SNED1: variants seen among roughly 807,000 people sequenced by gnomAD.
SNED1 encodes the protein sushi, nidogen and EGF-like domain-containing protein 1.
A neutral mutation model predicts 166.7 loss-of-function variants in SNED1; 81 were observed. The observed-to-expected ratio is 0.49, with a 90% confidence interval of 0.41 to 0.58. The LOEUF (loss-of-function observed/expected upper bound fraction) is 0.58, where lower values mean the gene tolerates loss of function less well. Among genes scored for constraint, SNED1 ranks in the 20% least tolerant of loss-of-function variants. SNED1 has a pLI of 0.00. For synonymous variants in SNED1, 762 were observed against 822.0 expected (o/e 0.93, Z 1.25); for missense variants, 1,604 against 2,000.2 (o/e 0.80, Z 3.78).
chr2:241,053,313 TC>T lies in SNED1; in HGVS notation c.2248del (p.Gln750SerfsTer118). ...CQPHGVWSEP[P>X]QCLEIDECRS... is the part of the protein sequence containing the mutation. ...AGCCACACGGTGTCTGGAGTGAGCC[TC>T]CCCAGTGCCTTGGTGATTCTGTGGG... On this transcript the variant is annotated frameshift_variant, in exon 16 of 32. Coordinates refer to ENST00000310397, the MANE Select transcript of SNED1 (RefSeq NM_001080437.3). LOFTEE classifies it high-confidence loss of function. 1 of 1,579,334 alleles carries T rather than the reference TC, an allele frequency of 6.3e-7. No homozygotes were observed.
intron 1 of SNED1, among the ~76,000 whole-genome samples, chr2:241,025,509 G>A (rs946168880): frequency 6.6e-6 from 1 of 152,122 alleles, no homozygotes; most frequent in African/African-American, 2.4e-5. Context: ...GTATATTATT[G>A]TAATGAGTTT....
chr2:241,088,728 G>A (rs930381236), intron 31 of SNED1: 1 of 360,054 alleles, frequency 2.8e-6, no homozygotes, highest in East Asian at 5.2e-5. Flanking sequence ...GAAGAGGCAG[G>A]GGGGTGGGCC....
chr2:241,066,733 C>T (rs968483244), intron 21 of SNED1, among the ~76,000 whole-genome samples: 12 of 152,238 alleles, frequency 7.9e-5, no homozygotes, highest in African/African-American at 2.6e-4. Context: ...GGTAGCATGG[C>T]GGGTAGGTGG....
chr2:241,079,802 G>A (rs2125294230), intron 27 of SNED1, among the ~76,000 whole-genome samples: 2 of 152,268 alleles, frequency 1.3e-5, no homozygotes, highest in South Asian at 2.1e-4. Flanking sequence ...AATGGAATAT[G>A]GTCTAAGGAT....
At chr2:241,062,611 T>C (rs1338379367) in intron 16 of SNED1, among the ~76,000 whole-genome samples, 180 bp from the exon 17 acceptor site, 1 of 152,226 alleles carries the variant, frequency 6.6e-6, no homozygotes, top group African/African-American at 2.4e-5. Flanking sequence ...AGCCAGGCAC[T>C]GAGCCCCAGG....
At chr2:241,025,180 T>C (rs1033574092) in intron 1 of SNED1, among the ~76,000 whole-genome samples, 3 of 152,180 alleles carry the variant, frequency 2.0e-5, no homozygotes, top group African/African-American at 7.2e-5. Context: ...TTGATTCTAA[T>C]AGGAGCACAA....
intron 26 of SNED1, chr2:241,072,275 C>T (rs1218889382): frequency 5.1e-5 from 24 of 467,720 alleles, no homozygotes; most frequent in South Asian, 3.5e-4. Context: ...GAGTGTGGTC[C>T]GGCAAATCCT....
intron 1 of SNED1, among the ~76,000 whole-genome samples, chr2:241,002,753 C>T (rs1385978159): frequency 2.6e-5 from 4 of 152,120 alleles, no homozygotes; most frequent in African/African-American, 9.7e-5. Flanking sequence ...CAGACTCCTG[C>T]GTCCAGCTGC....
intron 27 of SNED1, 65 bp from the exon 28 acceptor site, chr2:241,081,612 C>A: frequency 8.3e-7 from 1 of 1,200,506 alleles, no homozygotes; most frequent in Non-Finnish European, 1.2e-6. Flanking sequence ...GGGACAGCAA[C>A]ATGTCCATGA....
Position 241,068,012 on chromosome 2 carries a change from G to C in SNED1, c.3194+65G>C. ...CAGGGGTGGGGGCTCGGGGACACGG[G>C]GCCCAGGTCTCGGGCACATTCTCCG... On this transcript the variant is annotated intron_variant, in intron 22 of 31. Coordinates refer to ENST00000310397, the MANE Select transcript of SNED1 (RefSeq NM_001080437.3). This position sits in a 1 kb window ranked among gnomAD's most constrained non-coding sequence, Gnocchi z 5.3. 6.9e-7 allele frequency: 1 copy of C among 1,450,722 alleles called. No individual in the cohort carries two copies. 89.9% of individuals were successfully genotyped at this position (1,450,722 alleles called of 1,614,324 possible).
chr2:241,084,185 G>A (rs1458178166), intron 29 of SNED1, among the ~76,000 whole-genome samples: 3 of 143,240 alleles, frequency 2.1e-5, no homozygotes, highest in Non-Finnish European at 4.5e-5. Context: ...CCCCCAGGCT[G>A]GAGTGCGATG....
At position 241,016,188 on chromosome 2, in the gene SNED1, A is replaced by ATTT. The variant is rs1181068532; in HGVS notation, c.214-14074_214-14072dup. Among the ~76,000 whole-genome samples the ATTT allele has an allele frequency of 4.4e-4, 30 of 68,694 alleles. 2 individuals are homozygous for ATTT. Among genetic ancestry groups the ATTT allele is most frequent in the Non-Finnish European group, 7.3e-4 (26 of 35,718 alleles). 45.1% of individuals were successfully genotyped at this position (68,694 alleles called of 152,430 possible). On this transcript the variant is annotated intron_variant, in intron 1 of 31. Transcript: ENST00000310397. ...ACAAAAGCCCACTCTGTCATGGTGG[A>ATTT]TTTTTTTTTTTTTTTTTTTTTTTTG...
At chr2:241,035,297 T>A (rs532939213) in intron 4 of SNED1, among the ~76,000 whole-genome samples, 2 of 152,236 alleles carry the variant, frequency 1.3e-5, no homozygotes, top group East Asian at 3.9e-4. Context: ...GCATCACGTC[T>A]ACAGGGGAGT....
chr2:240,998,960 C>T lies in SNED1; in HGVS notation c.123C>T (p.Ala41=), dbSNP rs1438500376. 1.5e-6 allele frequency: 2 copies of T among 1,309,844 alleles called. No individual in the cohort carries two copies. Among genetic ancestry groups the T allele is most frequent in the Non-Finnish European group, 9.7e-7 (1 of 1,027,512 alleles). 81.1% of individuals were successfully genotyped at this position (1,309,844 alleles called of 1,614,324 possible). A position where few individuals can be genotyped will look rare whatever the true frequency, so the allele number is the denominator to read the frequency against. Residue 41 remains alanine, a synonymous_variant, in exon 1 of 32, where the codon GCC becomes GCT. Coordinates refer to ENST00000310397, the MANE Select transcript of SNED1 (RefSeq NM_001080437.3). Reference sequence around the variant, plus strand: ...CGTTCGGCGCCGAGCGCGGCGACGCCGTCACCCCCAAGCAGGACGACGGCG... The same window carrying T: ...CGTTCGGCGCCGAGCGCGGCGACGCTGTCACCCCCAAGCAGGACGACGGCG... ...FYPFGAERGD[A]VTPKQDDGGS...
chr2:241,042,114 T>A (rs1485832275), intron 8 of SNED1, among the ~76,000 whole-genome samples: 4 of 152,104 alleles, frequency 2.6e-5, no homozygotes, highest in Non-Finnish European at 4.4e-5. Flanking sequence ...AAGATCCTAG[T>A]TCAGTGGCTA....
chr2:241,070,970 G>A (rs1196536375), intron 24 of SNED1, among the ~76,000 whole-genome samples: 2 of 152,190 alleles, frequency 1.3e-5, no homozygotes, highest in African/African-American at 2.4e-5. Context: ...TAAGCTTGCC[G>A]AGTTCTCAGA....
chr2:241,088,217 A>G, intron 30 of SNED1, 148 bp from the exon 31 acceptor site: 1 of 663,986 alleles, frequency 1.5e-6, no homozygotes, highest in Non-Finnish European at 2.8e-6. Context: ...TAATCTCCAC[A>G]GCGGTGTCTG....
rs768428497 is a variant in SNED1 at position 241,090,015 on chromosome 2, G to C, written c.*1+1613G>C. The stretch of plus-strand genomic sequence containing the variant: ...CGCTTAGCGTAGCTGGAATGCGCAG[G>C]ACTGGCAGTTGCACAATAATAAATT... On this transcript the variant is annotated intron_variant, in intron 31 of 31. Transcript: ENST00000310397. 3 of 1,548,588 alleles carry C rather than the reference G, an allele frequency of 1.9e-6. No homozygotes were observed. In the South Asian group the frequency reaches 3.6e-5, roughly 19 times the overall value.
At position 240,999,772 on chromosome 2, in the gene SNED1, G is replaced by A. The variant is rs967673265; in HGVS notation, c.213+722G>A. ...GTTCTGTCTCCATGGCTCCCAGAGT[G>A]TGACCCCAGGCCAAGCCCTTATGGC... On this transcript the variant is annotated intron_variant, in intron 1 of 31. Coordinates refer to ENST00000310397, the MANE Select transcript of SNED1 (RefSeq NM_001080437.3). The surrounding 1 kb of genome is among the most constrained non-coding windows in gnomAD (Gnocchi z 5.8). 1.3e-5 allele frequency among the ~76,000 whole-genome samples: 2 copies of A among 152,178 alleles called. No homozygotes were observed. The highest frequency in any genetic ancestry group is 2.9e-5 in the Non-Finnish European group (2 of 68,006).
Sources: allele counts gnomAD v4.1 joint callset (sites outside exome capture counted in the v4.1 genomes callset), GRCh38; gene constraint gnomAD v4.1.1; non-coding constraint Gnocchi (gnomAD v3.1); transcripts MANE v1.5; gene names NCBI Gene and HGNC (gene_info 2026-07-23, HGNC 2026-07-21).